Variants in FRMD4B observed in about 807,000 individuals in gnomAD.
FRMD4B encodes the protein FERM domain containing 4B, also known as FERM domain-containing protein 4B.
In FRMD4B, 74 loss-of-function variants were observed where a neutral mutation model predicts 141.5. The ratio of observed to expected loss-of-function variants is 0.52; its 90% CI spans 0.43 to 0.63. The LOEUF (loss-of-function observed/expected upper bound fraction) is 0.63, where lower values mean the gene tolerates loss of function less well. FRMD4B is among the 30% of genes least tolerant of loss of function. The pLI, the probability that FRMD4B is intolerant of heterozygous loss-of-function variation, is 0.00. For synonymous variants in FRMD4B, 506 were observed against 467.9 expected, an observed-to-expected ratio of 1.08 and a Z score of -1.05; for missense variants, 1,366 against 1,253.4, an observed-to-expected ratio of 1.09 and a Z score of -1.36.
chr3:69,466,300 CAGAT>C (rs1247585836), intron 1 of FRMD4B, among the ~76,000 whole-genome samples: 1 of 152,098 alleles, frequency 6.6e-6, no homozygotes. Flanking sequence ...AGCCCTCTGT[CAGAT>C]GGGTAGATTG....
At chr3:69,395,042 C>T (rs1704451505) in intron 2 of FRMD4B, among the ~76,000 whole-genome samples, 1 of 152,168 alleles carries the variant, frequency 6.6e-6, no homozygotes, top group African/African-American at 2.4e-5. Context: ...GGAGGGAGAA[C>T]ATTAGGACAA....
chr3:69,381,189 A>G (rs917878428), intron 1 of FRMD4B, among the ~76,000 whole-genome samples: 2 of 152,234 alleles, frequency 1.3e-5, no homozygotes, highest in Non-Finnish European at 2.9e-5. Context: ...AATACCTTAT[A>G]GCTAGTATCT....
chr3:69,237,213 C>T (rs375000870), intron 7 of FRMD4B, among the ~76,000 whole-genome samples: 168 of 152,118 alleles, frequency 1.1e-3, no homozygotes, highest in Non-Finnish European at 1.5e-3. Context: ...TAGGGAGGAA[C>T]GGAAGAGGAG....
At chr3:69,390,088 G>A (rs1290899844), upstream of FRMD4B, among the ~76,000 whole-genome samples, 3 of 152,128 alleles carry the variant, frequency 2.0e-5, no homozygotes, top group Admixed American at 6.5e-5. Flanking sequence ...TTATGCCTGA[G>A]GCTCCTGTAG....
intron 1 of FRMD4B, among the ~76,000 whole-genome samples, chr3:69,538,302 G>GA (rs56060421): frequency 1.3e-5 from 2 of 151,996 alleles, no homozygotes; most frequent in Admixed American, 6.5e-5. Context: ...CCATATGTAA[G>GA]AAAAAAATAT....
chr3:69,273,555 G>C (rs948798804), intron 5 of FRMD4B, among the ~76,000 whole-genome samples: 1 of 152,188 alleles, frequency 6.6e-6, no homozygotes, highest in Non-Finnish European at 1.5e-5. Context: ...AGAAAACAGA[G>C]TAAGACTGAA....
At chr3:69,363,294 G>A (rs373531468) in intron 1 of FRMD4B, among the ~76,000 whole-genome samples, 4 of 141,042 alleles carry the variant, frequency 2.8e-5, no homozygotes, top group South Asian at 2.2e-4. Context: ...CATGTTGCCC[G>A]GGCTGGTCTT....
At chr3:69,346,709 G>A (rs543974359) in intron 1 of FRMD4B, among the ~76,000 whole-genome samples, 1 of 152,216 alleles carries the variant, frequency 6.6e-6, no homozygotes, top group African/African-American at 2.4e-5. Flanking sequence ...TTCCAACCCA[G>A]AATTTCATAT....
chr3:69,230,470 G>T (rs934310714), intron 7 of FRMD4B, among the ~76,000 whole-genome samples: 3 of 151,946 alleles, frequency 2.0e-5, no homozygotes, highest in Admixed American at 2.0e-4. Flanking sequence ...TTAGGACCAG[G>T]CGTGGTGGCT....
intron 1 of FRMD4B, among the ~76,000 whole-genome samples, chr3:69,487,492 G>A (rs1706234102): frequency 6.6e-6 from 1 of 152,220 alleles, no homozygotes; most frequent in Non-Finnish European, 1.5e-5. Flanking sequence ...GACTACAGGA[G>A]AAGAGACTGG....
At chr3:69,487,378 A>G (rs1471425012) in intron 1 of FRMD4B, among the ~76,000 whole-genome samples, 1 of 152,270 alleles carries the variant, frequency 6.6e-6, no homozygotes, top group Admixed American at 6.5e-5. Context: ...GATCTTAAAT[A>G]TTAGCTAAGA....
At chr3:69,494,672 A>G (rs1706356340) in intron 1 of FRMD4B, among the ~76,000 whole-genome samples, 1 of 152,138 alleles carries the variant, frequency 6.6e-6, no homozygotes, top group South Asian at 2.1e-4. Context: ...TGGGTGGATC[A>G]CCTGAGGTCA....
At chr3:69,387,513 T>C (rs909217896), upstream of FRMD4B, among the ~76,000 whole-genome samples, 2 of 152,272 alleles carry the variant, frequency 1.3e-5, no homozygotes, top group African/African-American at 4.8e-5. Flanking sequence ...TGTAAGTCAA[T>C]TGTCTGTATT....
chr3:69,285,102 G>A (rs1238818850), intron 5 of FRMD4B, among the ~76,000 whole-genome samples: 1 of 152,208 alleles, frequency 6.6e-6, no homozygotes, highest in Admixed American at 6.5e-5. Context: ...GGTGGAGGTT[G>A]TGGTGAGCCA....
chr3:69,213,569 C>T (rs78976189), intron 11 of FRMD4B, among the ~76,000 whole-genome samples: 3,611 of 151,786 alleles, frequency 0.024, 152 homozygotes, highest in African/African-American at 0.084. Flanking sequence ...GGTCACAGAG[C>T]TTATAGAATA....
At chr3:69,468,751 A>G (rs1405360120) in intron 1 of FRMD4B, among the ~76,000 whole-genome samples, 1 of 152,192 alleles carries the variant, frequency 6.6e-6, no homozygotes, top group Non-Finnish European at 1.5e-5. Flanking sequence ...AGGGGGAATG[A>G]AGCTGAGACC....
rs746609525 is a variant in FRMD4B at position 69,181,499 on chromosome 3, A to G, written c.2251T>C (p.Tyr751His). Residue 751 changes from tyrosine to histidine, a missense_variant, in exon 21 of 23, where the codon TAC (tyrosine) becomes CAC (histidine). Coordinates refer to ENST00000398540, the MANE Select transcript of FRMD4B (RefSeq NM_015123.3). ...CGAGTGTCCAGGGTCTGGGTGGTGT[A>G]ATAGGGGCCGGTAACTGGTGTCACA... ...YCVTPVTGPY[Y>H]TTQTLDTRTR... 4 of 1,613,826 alleles carry G rather than the reference A, an allele frequency of 2.5e-6. No individual in the cohort carries two copies. The highest frequency in any genetic ancestry group is 1.7e-6 in the Non-Finnish European group (2 of 1,179,766).
intron 1 of FRMD4B, among the ~76,000 whole-genome samples, chr3:69,349,869 C>G (rs1488378410): frequency 6.6e-6 from 1 of 152,074 alleles, no homozygotes; most frequent in Non-Finnish European, 1.5e-5. Context: ...ACCATAAAAA[C>G]CCTAGAAGAA....
At chr3:69,476,719 A>T (rs2106964502) in intron 1 of FRMD4B, among the ~76,000 whole-genome samples, 1 of 152,072 alleles carries the variant, frequency 6.6e-6, no homozygotes. Context: ...ACTTTAAAGT[A>T]GTTTTTTCCA....
Sources: gnomAD v4.1 joint callset for allele counts (sites outside exome capture counted in the v4.1 genomes callset) on GRCh38, gnomAD v4.1.1 for gene constraint, MANE v1.5 for transcripts, NCBI Gene and HGNC (gene_info 2026-07-23, HGNC 2026-07-21) for gene names.